The following ZNF280D variants were observed in gnomAD, a reference collection of about 807,000 sequenced individuals.
ZNF280D encodes suppressor of hairy wing homolog 4.
Under a neutral mutation model 94.7 loss-of-function variants are expected in ZNF280D, and 39 were observed. The ratio of observed to expected loss-of-function variants is 0.41; its 90% CI spans 0.32 to 0.54. The LOEUF is 0.54. Among genes scored for constraint, ZNF280D ranks in the 20% least tolerant of loss-of-function variants. The pLI is 0.22. For missense variants in ZNF280D, 1,090 were observed against 1,149.3 expected, an observed-to-expected ratio of 0.95 and a Z score of 0.75; for synonymous variants, 398 against 377.6, an observed-to-expected ratio of 1.05 and a Z score of -0.63.
chr15:56,657,964 C>A (rs1180228777), intron 17 of ZNF280D, among the ~76,000 whole-genome samples: 1 of 152,066 alleles, frequency 6.6e-6, no homozygotes, highest in Non-Finnish European at 1.5e-5. Context: ...AAAATGAAAA[C>A]AATCTAAATA....
Position 56,676,685 on chromosome 15 carries a change from A to G in ZNF280D, c.1395T>C (p.His465=). 1 of 1,607,294 alleles carries G rather than the reference A, an allele frequency of 6.2e-7. No homozygotes were observed. The highest frequency in any genetic ancestry group is 8.5e-7 in the Non-Finnish European group (1 of 1,177,486). The change falls in exon 13 of 22, where the codon CAT becomes CAC. Residue 465 remains histidine, a synonymous_variant. Transcript: ENST00000267807. ...VIKIATPYMH[H]YMKHQKKGIH... is the part of the protein sequence containing the mutation. ...TAAATCTCACCTGATGCTTCATATA[A>G]TGATGCATATATGGTGTTGCAATTT...
intron 3 of ZNF280D, among the ~76,000 whole-genome samples, chr15:56,704,900 T>C (rs932948526): frequency 7.9e-5 from 12 of 152,000 alleles, no homozygotes; most frequent in Admixed American, 2.6e-4. Context: ...GGAGAATCGC[T>C]TGAATCTAGG....
chr15:56,678,563 A>G, intron 11 of ZNF280D, 101 bp downstream of exon 11: 1 of 1,128,458 alleles, frequency 8.9e-7, no homozygotes, highest in Non-Finnish European at 1.2e-6. Context: ...TCCAAAGTCT[A>G]GTTCTCATTC....
At position 56,666,886 on chromosome 15, in the gene ZNF280D, G is replaced by A. The variant is rs1442300032; in HGVS notation, c.1646C>T (p.Thr549Ile). The A allele has an allele frequency of 1.2e-6, 2 of 1,613,678 alleles. No individual in the cohort carries two copies. Among genetic ancestry groups the A allele is most frequent in the Non-Finnish European group, 1.7e-6 (2 of 1,179,894 alleles). Residue 549 changes from threonine (T) to isoleucine (I), a missense_variant, in exon 15 of 22, where the codon ACT becomes ATT. Thr to Ile is a moderately conservative substitution (Grantham distance 89). Coordinates refer to ENST00000267807, the MANE Select transcript of ZNF280D (RefSeq NM_017661.4). ...ASTLQLSPPR[T>I]KNITAKNPAK... Reference sequence around the variant, plus strand: ...AGGATTTTTAGCAGTTATATTTTTAGTCCTTGGAGGTGAGAGCTGAAGGGT... The same window carrying A: ...AGGATTTTTAGCAGTTATATTTTTAATCCTTGGAGGTGAGAGCTGAAGGGT...
At chr15:56,635,284 C>T (rs761512569) in intron 20 of ZNF280D, 34 bp from the exon 21 acceptor site, 1 of 1,264,770 alleles carries the variant, frequency 7.9e-7, no homozygotes, top group Admixed American at 2.5e-5. Flanking sequence ...CTTTTACATT[C>T]ACAGTTAATC....
At chr15:56,700,677 T>G in intron 6 of ZNF280D, 1 of 1,405,930 alleles carries the variant, frequency 7.1e-7, no homozygotes, top group African/African-American at 1.4e-5. Context: ...TATTCACATT[T>G]TGATAGTATA....
At chr15:56,660,543 C>T (rs116620502) in intron 16 of ZNF280D, among the ~76,000 whole-genome samples, 2,432 of 151,850 alleles carry the variant, frequency 0.016, 68 homozygotes, top group African/African-American at 0.056. Flanking sequence ...GAATTCACAG[C>T]TCACACATAA....
At chr15:56,687,962 C>G (rs1385765732) in intron 9 of ZNF280D, among the ~76,000 whole-genome samples, 1 of 152,018 alleles carries the variant, frequency 6.6e-6, no homozygotes, top group African/African-American at 2.4e-5. Flanking sequence ...AAAACTTTTC[C>G]TAAGTTACTT....
chr15:56,680,756 C>G (rs1366371698), intron 10 of ZNF280D, among the ~76,000 whole-genome samples: 2 of 152,074 alleles, frequency 1.3e-5, no homozygotes, highest in African/African-American at 4.8e-5. Flanking sequence ...GGATTACAGG[C>G]GTGAACCACC....
chr15:56,632,174 A>G, intron 21 of ZNF280D, 52 bp from the exon 22 acceptor site: 1 of 1,407,208 alleles, frequency 7.1e-7, no homozygotes, highest in Non-Finnish European at 9.4e-7. Flanking sequence ...AATGTTTTTG[A>G]ACACTGTCAA....
chr15:56,642,834 C>T, intron 20 of ZNF280D, 118 bp downstream of exon 20: 1 of 570,612 alleles, frequency 1.8e-6, no homozygotes, highest in Non-Finnish European at 2.8e-6. Context: ...TTTTCTTCCT[C>T]ACAACATCCC....
intron 19 of ZNF280D, among the ~76,000 whole-genome samples, chr15:56,650,501 G>T (rs2053147630): frequency 6.6e-6 from 1 of 152,046 alleles, no homozygotes; most frequent in African/African-American, 2.4e-5. Context: ...CTTTCCCATT[G>T]TACTTTGCTT....
At chr15:56,656,911 C>G (rs1444052714) in intron 17 of ZNF280D, among the ~76,000 whole-genome samples, 1 of 151,998 alleles carries the variant, frequency 6.6e-6, no homozygotes, top group Admixed American at 6.6e-5. Context: ...CAAGGAAAGA[C>G]TCACTCAATC....
chr15:56,697,929 C>T (rs1211212967), intron 6 of ZNF280D: 1 of 152,162 alleles, frequency 6.6e-6, no homozygotes, highest in African/African-American at 2.4e-5. Context: ...TTGTTTTAGT[C>T]TCTTATCTGC....
intron 19 of ZNF280D, among the ~76,000 whole-genome samples, chr15:56,644,545 G>A (rs985557386): frequency 4.0e-5 from 6 of 151,856 alleles, no homozygotes; most frequent in African/African-American, 1.5e-4. Flanking sequence ...AAAACAAATT[G>A]GTCACAGAAC....
In ZNF280D at chr15:56,690,396, A is replaced by G. The variant is rs1210366606; in HGVS notation, c.500-926T>C. On this transcript the variant is annotated intron_variant, in intron 7 of 21. Transcript: ENST00000267807. ...GACTCTGTCTCAAAAAAAATAAAAA[A>G]ACAAAGGACACATAATGGAAGTAGT... is the stretch of plus-strand genomic sequence containing the variant. Among the ~76,000 whole-genome samples, 5 of 152,180 alleles carry G rather than the reference A, an allele frequency of 3.3e-5. 1 individual carries two copies. In the South Asian group the frequency reaches 1.0e-3, roughly 31 times the overall value.
intron 1 of ZNF280D, among the ~76,000 whole-genome samples, chr15:56,720,706 T>C (rs2141395654): frequency 6.6e-6 from 1 of 152,298 alleles, no homozygotes; most frequent in Non-Finnish European, 1.5e-5. Context: ...GAATGGATGT[T>C]GTGTTAGCAA....
chr15:56,696,221 A>AAC (rs1344859709), intron 6 of ZNF280D, among the ~76,000 whole-genome samples: 23 of 152,176 alleles, frequency 1.5e-4, no homozygotes, highest in Admixed American at 1.5e-3. Flanking sequence ...CTTCAAAGTA[A>AAC]ACATTTTCTC....
chr15:56,685,341 A>AAAAACAAAACAAAACAAAACAAAAC (rs10633210), intron 9 of ZNF280D, among the ~76,000 whole-genome samples: 30 of 150,438 alleles, frequency 2.0e-4, no homozygotes, highest in Admixed American at 1.7e-3. Context: ...CATAAGGTAA[A>AAAAACAAAACAAAACAAAACAAAAC]AAAACAAAAC....
Sources: gnomAD v4.1 joint callset for allele counts (sites outside exome capture counted in the v4.1 genomes callset) on GRCh38, gnomAD v4.1.1 for gene constraint, MANE v1.5 for transcripts, NCBI Gene and HGNC (gene_info 2026-07-23, HGNC 2026-07-21) for gene names.